HABP2: variants seen among roughly 807,000 people sequenced by gnomAD.
The protein encoded by HABP2 is hyaluronan binding protein 2.
HABP2 carries 65 observed loss-of-function variants against 66.5 expected under a neutral mutation model. The observed-to-expected ratio is 0.98, with a 90% CI of 0.80 to 1.20. The LOEUF (loss-of-function observed/expected upper bound fraction) is 1.20, where lower values mean the gene tolerates loss of function less well. HABP2 is among the 50% of genes most tolerant of loss of function. The pLI, the probability that HABP2 is intolerant of heterozygous loss-of-function variation, is 0.00. For missense variants in HABP2, 786 were observed against 691.0 expected (o/e 1.14, Z -1.54); for synonymous variants, 263 against 253.9 (o/e 1.04, Z -0.34).
At position 113,585,838 on chromosome 10, in the gene HABP2, C is replaced by A; in HGVS notation, c.1418C>A (p.Ala473Asp). Residue 473 changes from alanine to aspartate, a missense_variant, in exon 12 of 13, where the codon GCC (alanine) becomes GAC (aspartate). Ala to Asp is a moderately radical substitution (Grantham distance 126, BLOSUM62 -2). Coordinates refer to ENST00000351270, the MANE Select transcript of HABP2 (RefSeq NM_004132.5). The part of the protein sequence containing the change: ...QLLDAKVKLI[A>D]NTLCNSRQLY... ...CTGGATGCCAAAGTCAAGCTGATTG[C>A]CAACACTTTGTGCAACTCCCGCCAA... The A allele has an allele frequency of 6.2e-7, 1 of 1,612,996 alleles. No homozygotes were observed. The highest frequency in any genetic ancestry group is 1.1e-5 in the South Asian group (1 of 91,072).
Position 113,561,696 on chromosome 10 carries a change from C to A in HABP2, c.70-5793C>A, listed in dbSNP as rs1845103150. On this transcript the variant is annotated intron_variant, in intron 1 of 12. Coordinates refer to ENST00000351270, the MANE Select transcript of HABP2 (RefSeq NM_004132.5). The stretch of plus-strand genomic sequence containing the variant: ...CCCCAAAAGACAAATCTGGCCCTAT[C>A]TCCCCCATCACTGCCTCCTAATCCC... Among the ~76,000 whole-genome samples the A allele has an allele frequency of 3.3e-5, 5 of 152,290 alleles. No homozygotes were observed. The South Asian group carries it at 1.0e-3, about 32-fold the overall frequency.
rs144830647 is a variant in HABP2, at chr10:113,574,074, A to C, written c.107-215A>C. On this transcript the variant is annotated intron_variant, in intron 2 of 12. Transcript: ENST00000351270. Reference sequence around the variant, plus strand: ...GGTGCTCATGACCCTGCTAAATGTCAACACTACCTTGCCGGGTCATAGCGT... The same window carrying C: ...GGTGCTCATGACCCTGCTAAATGTCCACACTACCTTGCCGGGTCATAGCGT... Among the ~76,000 whole-genome samples the C allele has an allele frequency of 3.0e-3, 462 of 152,252 alleles. 5 individuals are homozygous for C. The highest frequency in any genetic ancestry group is 0.01 in the African/African-American group (429 of 41,564).
intron 1 of HABP2, 105 bp from the exon 2 acceptor site, chr10:113,567,384 G>T: frequency 1.2e-6 from 1 of 829,738 alleles, no homozygotes; most frequent in Non-Finnish European, 2.1e-6. Flanking sequence ...CAGAAAGCAC[G>T]CAGTGCACCT....
intron 2 of HABP2, chr10:113,570,290 G>C (rs1179506041): frequency 2.0e-5 from 3 of 152,176 alleles, no homozygotes; most frequent in Admixed American, 1.3e-4. Flanking sequence ...ATTTAGTTTA[G>C]TGTCTGATAC....
In HABP2 at chr10:113,553,190, G is replaced by T. The variant is rs755173215; in HGVS notation, c.69G>T (p.Gly23=). Residue 23 remains glycine, a splice_region_variant and synonymous_variant, in exon 1 of 13, where the codon GGG becomes GGT. Transcript: ENST00000351270. ...CTCTGGTGGGAAAGACAGCCTGTGGGGTAAGTGTTCTTTTCTAATATTTGT... is the reference window on the plus strand; with the variant it reads ...CTCTGGTGGGAAAGACAGCCTGTGGTGTAAGTGTTCTTTTCTAATATTTGT... ...LMALVGKTAC[G]FSLMSLLESL... is the part of the protein sequence containing the mutation. 17 of 1,605,688 alleles carry T rather than the reference G, an allele frequency of 1.1e-5. No individual in the cohort carries two copies. The highest frequency in any genetic ancestry group is 1.3e-5 in the Non-Finnish European group (15 of 1,172,396).
chr10:113,574,479 G>C, intron 3 of HABP2, 74 bp downstream of exon 3: 1 of 740,850 alleles, frequency 1.3e-6, no homozygotes. Flanking sequence ...CCACATGCAA[G>C]GGCCTCTCTC....
intron 2 of HABP2, among the ~76,000 whole-genome samples, chr10:113,573,144 G>A (rs990106772): frequency 8.5e-5 from 13 of 152,132 alleles, no homozygotes; most frequent in Non-Finnish European, 1.5e-4. Context: ...TCAACTTGCC[G>A]ACTTGCCATA....
In HABP2 at chr10:113,588,850, T is replaced by C. The variant is rs1845742166; in HGVS notation, c.*481T>C. The C allele has an allele frequency of 1.4e-6, 1 of 716,762 alleles. No individual in the cohort carries two copies. Among genetic ancestry groups the C allele is most frequent in the Non-Finnish European group, 2.5e-6 (1 of 403,656 alleles). 44.4% of individuals were successfully genotyped at this position (716,762 alleles called of 1,614,324 possible). ...CCATCTGCTTTCAGAGTTATTATTTTAATAAAGGAAGATCTGGGATGGGCT... is the reference window on the plus strand; with the variant it reads ...CCATCTGCTTTCAGAGTTATTATTTCAATAAAGGAAGATCTGGGATGGGCT... On this transcript the variant is annotated 3_prime_UTR_variant, in exon 13 of 13. Coordinates refer to ENST00000351270, the MANE Select transcript of HABP2 (RefSeq NM_004132.5).
chr10:113,557,501 G>A (rs1845018848), intron 1 of HABP2, among the ~76,000 whole-genome samples: 1 of 152,160 alleles, frequency 6.6e-6, no homozygotes, highest in Non-Finnish European at 1.5e-5. Flanking sequence ...ATATTTGGCA[G>A]CCGGGATTTT....
At chr10:113,560,766 CAGA>C (rs1744601463) in intron 1 of HABP2, among the ~76,000 whole-genome samples, 1 of 152,160 alleles carries the variant, frequency 6.6e-6, no homozygotes, top group Admixed American at 6.5e-5. Flanking sequence ...AAGGCAGTCC[CAGA>C]AGGACAAATA....
intron 9 of HABP2, among the ~76,000 whole-genome samples, chr10:113,582,506 T>G (rs181873243): frequency 2.0e-4 from 30 of 152,266 alleles, no homozygotes; most frequent in African/African-American, 7.0e-4. Context: ...TTTTTGTAAG[T>G]GAGGATCTTG....
Position 113,588,958 on chromosome 10 carries a change from A to T in HABP2, c.*589A>T, listed in dbSNP as rs1368969466. 3 of 1,576,730 alleles carry T rather than the reference A, an allele frequency of 1.9e-6. No homozygotes were observed. In the Admixed American group the frequency reaches 5.3e-5, roughly 28 times the overall value. On this transcript the variant is annotated 3_prime_UTR_variant, in exon 13 of 13. Coordinates refer to ENST00000351270, the MANE Select transcript of HABP2 (RefSeq NM_004132.5). Reference sequence around the variant, plus strand: ...AAACTTCCTCTCTGGCCTCTCAGGAATCAGGGTGGACATGGCTCACAACAG... The same window carrying T: ...AAACTTCCTCTCTGGCCTCTCAGGATTCAGGGTGGACATGGCTCACAACAG...
Position 113,588,999 on chromosome 10 carries a change from T to C in HABP2, c.*630T>C. On this transcript the variant is annotated 3_prime_UTR_variant, in exon 13 of 13. Coordinates refer to ENST00000351270, the MANE Select transcript of HABP2 (RefSeq NM_004132.5). ...CTCACAACAGCAGGGCCTTCTTCTT[T>C]TTGACGTGCAGAATCTCAGTGGCAT... 4.3e-6 allele frequency: 7 copies of C among 1,613,944 alleles called. No homozygotes were observed. Among genetic ancestry groups the C allele is most frequent in the African/African-American group, 1.3e-5 (1 of 74,936 alleles).
rs138072378 is a variant in HABP2, at chr10:113,571,506, A to G, written c.107-2783A>G. Among the ~76,000 whole-genome samples, 570 of 152,140 alleles carry G rather than the reference A, an allele frequency of 3.7e-3. 1 individual carries two copies. Among genetic ancestry groups the G allele is most frequent in the African/African-American group, 0.013 (519 of 41,478 alleles). The stretch of plus-strand genomic sequence containing the variant: ...TTCCATCACACATGCTATTGGCCAA[A>G]GCATGTCCTAAGGCCAACCCAGAAC... On this transcript the variant is annotated intron_variant, in intron 2 of 12. Coordinates refer to ENST00000351270, the MANE Select transcript of HABP2 (RefSeq NM_004132.5).
At chr10:113,569,546 G>A (rs942149479) in intron 2 of HABP2, 3 of 152,400 alleles carry the variant, frequency 2.0e-5, no homozygotes, top group African/African-American at 7.2e-5. Context: ...CGCACGGTGA[G>A]GGCCTTGCTG....
At chr10:113,581,715 A>G (rs947803304) in intron 8 of HABP2, among the ~76,000 whole-genome samples, 161 bp from the exon 9 acceptor site, 2 of 152,174 alleles carry the variant, frequency 1.3e-5, no homozygotes, top group African/African-American at 4.8e-5. Context: ...ACAAATATCA[A>G]CTGTGCACCT....
chr10:113,558,858 AT>A (rs959346024), intron 1 of HABP2, among the ~76,000 whole-genome samples: 91 of 147,560 alleles, frequency 6.2e-4, no homozygotes, highest in Middle Eastern at 3.6e-3. Flanking sequence ...GCTTGTCTTA[AT>A]TTTTTTTTTT....
chr10:113,553,339 T>C, intron 1 of HABP2, 149 bp downstream of exon 1: 2 of 628,650 alleles, frequency 3.2e-6, no homozygotes, highest in Non-Finnish European at 5.7e-6. Context: ...AATGCAGGCC[T>C]GTGGCTTGGT....
intron 12 of HABP2, among the ~76,000 whole-genome samples, chr10:113,587,577 A>G (rs1166752759): frequency 1.3e-5 from 2 of 152,200 alleles, no homozygotes; most frequent in African/African-American, 4.8e-5. Flanking sequence ...TGTCAGTTGT[A>G]GTGTTTAAGC....
Sources: gnomAD v4.1 joint callset for allele counts (sites outside exome capture counted in the v4.1 genomes callset) on GRCh38, gnomAD v4.1.1 for gene constraint, MANE v1.5 for transcripts, NCBI Gene and HGNC (gene_info 2026-07-23, HGNC 2026-07-21) for gene names.